Variants in FAM83B observed in about 807,000 individuals in gnomAD.
FAM83B encodes the protein protein FAM83B.
FAM83B carries 26 observed loss-of-function variants against 38.8 expected under a neutral mutation model. The ratio of observed to expected loss-of-function variants is 0.67; its 90% confidence interval spans 0.49 to 0.93. The LOEUF (loss-of-function observed/expected upper bound fraction) is 0.93. Among genes scored for constraint, FAM83B ranks in the 40% least tolerant of loss-of-function variants. The pLI is 0.00. For missense variants in FAM83B, 1,237 were observed against 1,197.3 expected, an observed-to-expected ratio of 1.03 and a Z score of -0.49; for synonymous variants, 419 against 423.1, an observed-to-expected ratio of 0.99 and a Z score of 0.12.
At chr6:54,860,936 T>C (rs1771568508) in intron 1 of FAM83B, among the ~76,000 whole-genome samples, 1 of 152,222 alleles carries the variant, frequency 6.6e-6, no homozygotes, top group African/African-American at 2.4e-5. Flanking sequence ...TTGCTCTGCT[T>C]ATCCCTGACC....
intron 1 of FAM83B, among the ~76,000 whole-genome samples, chr6:54,862,840 C>A (rs1259954513): frequency 6.6e-6 from 1 of 151,368 alleles, no homozygotes; most frequent in East Asian, 1.9e-4. Context: ...GCCGAGATCG[C>A]GCCATTGCAC....
At chr6:54,879,446 A>G (rs1772074064) in intron 2 of FAM83B, among the ~76,000 whole-genome samples, 1 of 152,188 alleles carries the variant, frequency 6.6e-6, no homozygotes, top group African/African-American at 2.4e-5. Flanking sequence ...TTATTTCGCA[A>G]TTCCTTTATG....
intron 2 of FAM83B, among the ~76,000 whole-genome samples, chr6:54,879,200 G>A (rs6910384): frequency 0.37 from 56,054 of 151,924 alleles, 11,456 homozygotes; most frequent in East Asian, 0.85. Context: ...TCTAGATGAG[G>A]GTTCACATTG....
At position 54,944,641 on chromosome 6, in the gene FAM83B, A is replaced by G. The variant is rs1250301101; in HGVS notation, c.*2634A>G. ...AATAATGCAAAAAGTTTAATTCTGG[A>G]TGAATTCAGCTTTACTCAAGATCCA... On this transcript the variant is annotated 3_prime_UTR_variant, in exon 5 of 5. Coordinates refer to ENST00000306858, the MANE Select transcript of FAM83B (RefSeq NM_001010872.3). 6.6e-6 allele frequency: 1 copy of G among 152,152 alleles called. No individual in the cohort carries two copies. The highest frequency in any genetic ancestry group is 1.5e-5 in the Non-Finnish European group (1 of 68,032). 9.4% of individuals were successfully genotyped at this position (152,152 alleles called of 1,614,324 possible).
chr6:54,876,237 G>A (rs535512784), intron 2 of FAM83B, among the ~76,000 whole-genome samples: 6 of 141,614 alleles, frequency 4.2e-5, no homozygotes, highest in Non-Finnish European at 4.5e-5. Context: ...TCTATTAATA[G>A]TTGGAAAGAA....
chr6:54,923,277 T>C (rs1216478622), intron 2 of FAM83B, among the ~76,000 whole-genome samples: 4 of 152,152 alleles, frequency 2.6e-5, no homozygotes, highest in Non-Finnish European at 5.9e-5. Flanking sequence ...AAAATTCATT[T>C]ATCCTACCTT....
chr6:54,871,646 G>C (rs1383250537), intron 2 of FAM83B, among the ~76,000 whole-genome samples: 5 of 140,516 alleles, frequency 3.6e-5, no homozygotes, highest in Admixed American at 1.5e-4. Context: ...AGGAGGCTAA[G>C]ACACGAGAAT....
chr6:54,902,492 C>T (rs1772681570), intron 2 of FAM83B, among the ~76,000 whole-genome samples: 1 of 152,146 alleles, frequency 6.6e-6, no homozygotes, highest in South Asian at 2.1e-4. Context: ...GTCATGATTT[C>T]AGTCTTCAAC....
rs3996949 is a variant in FAM83B, at chr6:54,876,278, CATATATATATATATAT to C, written c.444+5615_444+5630del. The stretch of plus-strand genomic sequence containing the variant: ...TTAAAATGCAAGTTATTTAGGAGTG[CATATATATATATATAT>C]ATATATATATATATATATATATATA... On this transcript the variant is annotated intron_variant, in intron 2 of 4. Coordinates refer to ENST00000306858, the MANE Select transcript of FAM83B (RefSeq NM_001010872.3). 2.8e-3 allele frequency among the ~76,000 whole-genome samples: 266 copies of C among 96,180 alleles called. 2 individuals carry two copies. Among genetic ancestry groups the C allele is most frequent in the African/African-American group, 0.01 (228 of 22,630 alleles). The allele number at this position is 96,180 out of a possible 152,430, so 63.1% of individuals were successfully genotyped here.
chr6:54,920,347 A>G (rs1031983173), intron 2 of FAM83B, among the ~76,000 whole-genome samples: 7 of 151,734 alleles, frequency 4.6e-5, no homozygotes, highest in African/African-American at 1.2e-4. Context: ...TTTTTTCAAA[A>G]TTAGAACTCC....
At position 54,940,553 on chromosome 6, in the gene FAM83B, A is replaced by G; in HGVS notation, c.1582A>G (p.Asn528Asp). Reference sequence around the variant, plus strand: ...ATTTGAGGGCTATGATAATCCTGAGAATTTGAAGGCCAATGCCCTTTATAC... The same window carrying G: ...ATTTGAGGGCTATGATAATCCTGAGGATTTGAAGGCCAATGCCCTTTATAC... ...DRFEGYDNPE[N>D]LKANALYTHS... The change falls in exon 5 of 5, where the codon AAT becomes GAT. Residue 528 changes from asparagine (N) to aspartate (D), a missense_variant. Physicochemically the swap from Asn to Asp is conservative, Grantham distance 23 (BLOSUM62 1). Coordinates refer to ENST00000306858, the MANE Select transcript of FAM83B (RefSeq NM_001010872.3). 3.7e-6 allele frequency: 6 copies of G among 1,614,038 alleles called. No homozygotes were observed. In the South Asian group the frequency reaches 6.6e-5, roughly 18 times the overall value.
intron 1 of FAM83B, among the ~76,000 whole-genome samples, chr6:54,864,587 T>C (rs62412652): frequency 0.021 from 3,183 of 152,322 alleles, 45 homozygotes; most frequent in Middle Eastern, 0.061. Flanking sequence ...TGAGTTTGGA[T>C]GTCAACATGA....
chr6:54,924,262 TTGAG>T (rs1330237060), intron 2 of FAM83B, among the ~76,000 whole-genome samples: 4 of 151,648 alleles, frequency 2.6e-5, no homozygotes, highest in South Asian at 2.1e-4. Context: ...GACACCTAGA[TTGAG>T]TCTCTATCTT....
At chr6:54,915,812 C>CAAAAAAAAAAAAAAAA (rs58597609) in intron 2 of FAM83B, among the ~76,000 whole-genome samples, 3 of 18,048 alleles carry the variant, frequency 1.7e-4, no homozygotes, top group African/African-American at 2.4e-4. Context: ...GACTCCGTCT[C>CAAAAAAAAAAAAAAAA]AAAAAAAAAA....
intron 4 of FAM83B, among the ~76,000 whole-genome samples, chr6:54,929,757 C>T (rs760663172): frequency 5.3e-5 from 8 of 151,912 alleles, no homozygotes; most frequent in African/African-American, 1.9e-4. Flanking sequence ...GCCAGGAACT[C>T]GGAATTTTTA....
rs2127592399 is a variant in FAM83B at position 54,942,571 on chromosome 6, T to G, written c.*564T>G. Among the ~76,000 whole-genome samples the G allele has an allele frequency of 6.6e-6, 1 of 152,100 alleles. No homozygotes were observed. Among genetic ancestry groups the G allele is most frequent in the East Asian group, 1.9e-4 (1 of 5,170 alleles). ...TTTACATTTTTTATTTTTTATTTTT[T>G]TTTCTGCCTGAAGTGTTTGCAAAGT... On this transcript the variant is annotated 3_prime_UTR_variant, in exon 5 of 5. Coordinates refer to ENST00000306858, the MANE Select transcript of FAM83B (RefSeq NM_001010872.3).
rs768677387 is a variant in FAM83B at position 54,941,930 on chromosome 6, C to T, written c.2959C>T (p.Arg987Cys). Reference protein sequence around the residue: ...PLLNYNTGVYRSYQPNENKFR... With the variant: ...PLLNYNTGVYCSYQPNENKFR... ...GCTTAATTACAACACTGGTGTTTATCGCTCATATCAACCCAATGAGAACAA... is the reference window on the plus strand; with the variant it reads ...GCTTAATTACAACACTGGTGTTTATTGCTCATATCAACCCAATGAGAACAA... The change falls in exon 5 of 5, where the codon CGC becomes TGC. Residue 987 changes from arginine (R) to cysteine (C), a missense_variant. Physicochemically the swap from Arg to Cys is radical, Grantham distance 180. Transcript: ENST00000306858. 1.4e-5 allele frequency: 22 copies of T among 1,613,814 alleles called. No individual in the cohort carries two copies. Among genetic ancestry groups the T allele is most frequent in the East Asian group, 1.1e-4 (5 of 44,888 alleles).
Position 54,903,088 on chromosome 6 carries a change from G to C in FAM83B, c.445-23283G>C, listed in dbSNP as rs1479551771. Among the ~76,000 whole-genome samples the C allele has an allele frequency of 6.6e-5, 10 of 151,940 alleles. 1 individual carries two copies. Among genetic ancestry groups the C allele is most frequent in the Non-Finnish European group, 1.2e-4 (8 of 67,980 alleles). Reference sequence around the variant, plus strand: ...CATATATTTATAGATTTGTTTCTATGGATATATTTCTCTATATTTCAATAA... The same window carrying C: ...CATATATTTATAGATTTGTTTCTATCGATATATTTCTCTATATTTCAATAA... On this transcript the variant is annotated intron_variant, in intron 2 of 4. Transcript: ENST00000306858.
intron 2 of FAM83B, among the ~76,000 whole-genome samples, chr6:54,919,500 T>C (rs1033087950): frequency 2.0e-5 from 3 of 151,916 alleles, no homozygotes; most frequent in East Asian, 1.9e-4. Context: ...TCTAGATTTT[T>C]CCCCCCACTT....
Sources: allele counts gnomAD v4.1 joint callset (sites outside exome capture counted in the v4.1 genomes callset), GRCh38; gene constraint gnomAD v4.1.1; transcripts MANE v1.5; gene names NCBI Gene and HGNC (gene_info 2026-07-23, HGNC 2026-07-21).